ADAMTS16: variants seen among roughly 807,000 people sequenced by gnomAD.
ADAMTS16 encodes the protein ADAM metallopeptidase with thrombospondin type 1 motif 16, also known as A disintegrin and metalloproteinase with thrombospondin motifs 16.
A neutral mutation model predicts 145.8 loss-of-function variants in ADAMTS16; 94 were observed. That is an observed-to-expected ratio of 0.64 (90% CI 0.55 to 0.77). The LOEUF is 0.77. Ranked by LOEUF, ADAMTS16 falls within the 30% of genes least tolerant of loss-of-function variation. The pLI is 0.00. For missense variants in ADAMTS16, 1,585 were observed against 1,591.5 expected, an observed-to-expected ratio of 1.00 and a Z score of 0.07; for synonymous variants, 659 against 604.3, an observed-to-expected ratio of 1.09 and a Z score of -1.33.
chr5:5,215,948 G>A (rs139914347), intron 10 of ADAMTS16, among the ~76,000 whole-genome samples: 23,678 of 139,498 alleles, frequency 0.17, 2,377 homozygotes, highest in Middle Eastern at 0.26. Context: ...TGATTGATGG[G>A]CATTTGGGTT....
intron 7 of ADAMTS16, among the ~76,000 whole-genome samples, chr5:5,191,236 A>T (rs928716321): frequency 6.6e-6 from 1 of 152,164 alleles, no homozygotes; most frequent in Non-Finnish European, 1.5e-5. Flanking sequence ...AATGCTCGTT[A>T]TGACAGATGT....
At chr5:5,195,471 T>C (rs2126583642) in intron 8 of ADAMTS16, among the ~76,000 whole-genome samples, 1 of 152,342 alleles carries the variant, frequency 6.6e-6, no homozygotes, top group Admixed American at 6.5e-5. Flanking sequence ...CACAGTCTGA[T>C]AGTGACCAGG....
intron 18 of ADAMTS16, among the ~76,000 whole-genome samples, chr5:5,270,834 T>C (rs1379259420): frequency 6.6e-6 from 1 of 152,184 alleles, no homozygotes; most frequent in African/African-American, 2.4e-5. Context: ...TCTTTCTTAC[T>C]GAATTCTGCC....
chr5:5,235,325 A>G, intron 13 of ADAMTS16, 139 bp downstream of exon 13: 1 of 942,916 alleles, frequency 1.1e-6, no homozygotes, highest in Non-Finnish European at 1.4e-6. Flanking sequence ...TCTCTTCTGG[A>G]GGTTAGTTTT....
chr5:5,186,291 C>T, intron 5 of ADAMTS16, 40 bp downstream of exon 5: 2 of 1,536,534 alleles, frequency 1.3e-6, no homozygotes, highest in Non-Finnish European at 1.8e-6. Context: ...TGTGTCATTG[C>T]ACTTCGTAGG....
chr5:5,259,142 C>T (rs940830014), intron 17 of ADAMTS16, among the ~76,000 whole-genome samples: 1 of 152,176 alleles, frequency 6.6e-6, no homozygotes, highest in African/African-American at 2.4e-5. Flanking sequence ...TCTGGGACAT[C>T]ACTTCCTTTC....
Position 5,232,353 on chromosome 5 carries a change from T to C in ADAMTS16, c.1702-15T>C, listed in dbSNP as rs201577541. 92 of 1,613,880 alleles carry C rather than the reference T, an allele frequency of 5.7e-5. No homozygotes were observed. Among genetic ancestry groups the C allele is most frequent in the Non-Finnish European group, 7.6e-5 (90 of 1,179,974 alleles). On this transcript the variant is annotated splice_polypyrimidine_tract_variant and intron_variant, in intron 11 of 22. Transcript: ENST00000274181. ...TGTGTGAGTCAAGTCAACTTATTTA[T>C]GTTGAAAATTTTAGTGGTGCCGGGG... is the stretch of plus-strand genomic sequence containing the variant.
chr5:5,203,830 A>G (rs572146814), intron 9 of ADAMTS16, among the ~76,000 whole-genome samples: 13 of 152,302 alleles, frequency 8.5e-5, no homozygotes, highest in African/African-American at 2.9e-4. Context: ...AACACATCAA[A>G]GCATGAGAAA....
chr5:5,206,251 C>A (rs1045810107), intron 9 of ADAMTS16, among the ~76,000 whole-genome samples: 2 of 147,446 alleles, frequency 1.4e-5, no homozygotes, highest in African/African-American at 5.0e-5. Flanking sequence ...ACGGTGAAAC[C>A]CCGTCTCTAC....
chr5:5,186,307 T>G (rs879098493), intron 5 of ADAMTS16, 56 bp downstream of exon 5: 37 of 1,049,820 alleles, frequency 3.5e-5, no homozygotes, highest in Middle Eastern at 2.4e-4. Flanking sequence ...GTAGGGTGTG[T>G]GTGTGTGTGT....
Position 5,209,177 on chromosome 5 carries a change from T to C in ADAMTS16, c.1536T>C (p.Tyr512=), listed in dbSNP as rs992200167. 1.2e-6 allele frequency: 2 copies of C among 1,614,086 alleles called. No homozygotes were observed. Among genetic ancestry groups the C allele is most frequent in the Non-Finnish European group, 1.7e-6 (2 of 1,179,924 alleles). Residue 512 remains tyrosine, a synonymous_variant, in exon 10 of 23, where the codon TAT becomes TAC. Transcript: ENST00000274181. The part of the protein sequence containing the change: ...KYPEKLPGEL[Y]DANTQCKWQF... ...CTGAGAAATTGCCAGGAGAATTATA[T>C]GATGCAAACACACAGTGCAAGTGGC... is the stretch of plus-strand genomic sequence containing the variant.
Position 5,141,172 on chromosome 5 carries a change from T to G in ADAMTS16, c.175+406T>G, listed in dbSNP as rs116720952. Among the ~76,000 whole-genome samples the G allele has an allele frequency of 7.7e-3, 1,166 of 152,292 alleles. 15 individuals carry two copies. The highest frequency in any genetic ancestry group is 0.027 in the African/African-American group (1,109 of 41,548). On this transcript the variant is annotated intron_variant, in intron 2 of 22. Transcript: ENST00000274181. The stretch of plus-strand genomic sequence containing the variant: ...CGTCCCCAACCTTTCCTCCTTCTCC[T>G]CCTTTATAGATTAAAATATTCCTCT...
At chr5:5,192,525 G>C (rs368078228) in intron 8 of ADAMTS16, among the ~76,000 whole-genome samples, 1 of 152,136 alleles carries the variant, frequency 6.6e-6, no homozygotes, top group African/African-American at 2.4e-5. Context: ...GGAAGAGTGG[G>C]TACTGACAAG....
intron 4 of ADAMTS16, among the ~76,000 whole-genome samples, chr5:5,184,664 C>A (rs534166209): frequency 6.6e-6 from 1 of 152,242 alleles, no homozygotes; most frequent in Non-Finnish European, 1.5e-5. Context: ...AGTGGGCCTG[C>A]TGCCCTTCAG....
At chr5:5,290,178 C>T (rs1004010020) in intron 18 of ADAMTS16, among the ~76,000 whole-genome samples, 4 of 152,338 alleles carry the variant, frequency 2.6e-5, no homozygotes, top group East Asian at 3.9e-4. Flanking sequence ...CAAGTCAGAT[C>T]TGAAATCATC....
chr5:5,233,321 T>C (rs1376866700), intron 12 of ADAMTS16, among the ~76,000 whole-genome samples: 2 of 152,190 alleles, frequency 1.3e-5, no homozygotes, highest in Non-Finnish European at 2.9e-5. Flanking sequence ...GTGAAGAGGC[T>C]TTAATTTTTA....
At chr5:5,202,042 T>C (rs906758721) in intron 9 of ADAMTS16, among the ~76,000 whole-genome samples, 4 of 152,176 alleles carry the variant, frequency 2.6e-5, no homozygotes, top group East Asian at 1.9e-4. Context: ...AGTACTTCTG[T>C]TGGTTTTACT....
intron 18 of ADAMTS16, among the ~76,000 whole-genome samples, chr5:5,298,319 T>C (rs1354915689): frequency 2.0e-5 from 3 of 152,238 alleles, no homozygotes; most frequent in Admixed American, 2.0e-4. Context: ...TAATAACTCA[T>C]TCTACCTACT....
intron 10 of ADAMTS16, among the ~76,000 whole-genome samples, chr5:5,209,453 T>C (rs1736217132): frequency 6.6e-6 from 1 of 152,188 alleles, no homozygotes; most frequent in African/African-American, 2.4e-5. Context: ...CAGTTTTCAT[T>C]TGAGAACCGA....
Sources: allele counts gnomAD v4.1 joint callset (sites outside exome capture counted in the v4.1 genomes callset), GRCh38; gene constraint gnomAD v4.1.1; transcripts MANE v1.5; gene names NCBI Gene and HGNC (gene_info 2026-07-23, HGNC 2026-07-21).